PTPRJ: variants seen among roughly 807,000 people sequenced by gnomAD.
PTPRJ encodes the protein protein tyrosine phosphatase receptor type J, also known as receptor-type tyrosine-protein phosphatase eta.
Under a neutral mutation model 141.3 loss-of-function variants are expected in PTPRJ, and 129 were observed. The observed-to-expected ratio is 0.91, with a 90% confidence interval of 0.79 to 1.06. The LOEUF is 1.06. Ranked by LOEUF, PTPRJ falls within the 50% of genes least tolerant of loss-of-function variation. The pLI is 0.00. For synonymous variants in PTPRJ, 610 were observed against 640.5 expected (o/e 0.95, Z 0.72); for missense variants, 1,601 against 1,679.7 (o/e 0.95, Z 0.82).
At chr11:48,059,950 G>C (rs1854874287) in intron 1 of PTPRJ, among the ~76,000 whole-genome samples, 1 of 152,204 alleles carries the variant, frequency 6.6e-6, no homozygotes, top group South Asian at 2.1e-4. Flanking sequence ...TAACCTGTTT[G>C]ATTGAAGCTA....
At chr11:48,042,076 T>C (rs1418751674) in intron 1 of PTPRJ, among the ~76,000 whole-genome samples, 3 of 152,164 alleles carry the variant, frequency 2.0e-5, no homozygotes. Context: ...TGTACTTGTT[T>C]ATTGAATCAA....
rs1858009773 is a variant in PTPRJ at position 48,169,689 on chromosome 11, TA to T, written c.*2333del. 1 of 152,162 alleles carries T rather than the reference TA, an allele frequency of 6.6e-6. No homozygotes were observed. The highest frequency in any genetic ancestry group is 2.4e-5 in the African/African-American group (1 of 41,448). The allele number at this position is 152,162 out of a possible 1,614,324, so 9.4% of individuals were successfully genotyped here. ...GAAGTCAGAGGAAGGGACTTGTTGC[TA>T]AAAAATCCTTTAAAAGGTTAAATAC... On this transcript the variant is annotated 3_prime_UTR_variant, in exon 25 of 25. Coordinates refer to ENST00000418331, the MANE Select transcript of PTPRJ (RefSeq NM_002843.4).
chr11:48,103,459 A>AAAAAAAC (rs1844120935), intron 1 of PTPRJ, among the ~76,000 whole-genome samples: 1 of 152,158 alleles, frequency 6.6e-6, no homozygotes, highest in Non-Finnish European at 1.5e-5. Context: ...ATCCTGTCTC[A>AAAAAAAC]AAAAAACAAA....
intron 1 of PTPRJ, among the ~76,000 whole-genome samples, chr11:48,033,655 G>A (rs2134227671): frequency 6.6e-6 from 1 of 152,312 alleles, no homozygotes; most frequent in African/African-American, 2.4e-5. Flanking sequence ...GATGAGACAG[G>A]GAGCAGTGGA....
At chr11:48,000,219 C>T (rs763740595) in intron 1 of PTPRJ, among the ~76,000 whole-genome samples, 2 of 149,686 alleles carry the variant, frequency 1.3e-5, no homozygotes, top group Non-Finnish European at 2.9e-5. Flanking sequence ...CAGCTCATTG[C>T]AGCCTCAACT....
intron 1 of PTPRJ, among the ~76,000 whole-genome samples, chr11:48,061,548 C>T (rs914494837): frequency 3.3e-5 from 5 of 152,150 alleles, no homozygotes; most frequent in Admixed American, 6.5e-5. Flanking sequence ...GATCTCTGTT[C>T]GGTGGATGAG....
At chr11:48,085,502 A>T (rs1855678804) in intron 1 of PTPRJ, among the ~76,000 whole-genome samples, 1 of 151,794 alleles carries the variant, frequency 6.6e-6, no homozygotes, top group Admixed American at 6.6e-5. Flanking sequence ...CCGCCACCAC[A>T]CTTGGCTAAT....
chr11:47,982,069 C>CA (rs148651606), intron 1 of PTPRJ, among the ~76,000 whole-genome samples: 5,174 of 152,330 alleles, frequency 0.034, 294 homozygotes, highest in African/African-American at 0.12. Context: ...AGCGCGAATA[C>CA]AGGAGAGAGC....
chr11:48,003,842 T>A lies in PTPRJ; in HGVS notation c.96+22834T>A, dbSNP rs1237524. Among the ~76,000 whole-genome samples the A allele has an allele frequency of 4.4e-3, 670 of 152,346 alleles. 9 individuals carry two copies. The highest frequency in any genetic ancestry group is 0.016 in the African/African-American group (658 of 41,586). On this transcript the variant is annotated intron_variant, in intron 1 of 24. Transcript: ENST00000418331. ...ACATTTGCACACATGCCAATTGGGC[T>A]TCATGGTGGCTGCCTCACACCACTT...
chr11:48,126,549 C>G (rs531198903), intron 6 of PTPRJ, among the ~76,000 whole-genome samples: 225 of 152,072 alleles, frequency 1.5e-3, no homozygotes, highest in Middle Eastern at 0.01. Flanking sequence ...GGGTGAAACA[C>G]CCTCTTCCTC....
chr11:48,132,320 G>A, intron 8 of PTPRJ: 1 of 980,926 alleles, frequency 1.0e-6, no homozygotes, highest in African/African-American at 1.7e-5. Flanking sequence ...AGGATTGCTT[G>A]GCCCAACAGT....
Position 48,153,894 on chromosome 11 carries a change from A to AT in PTPRJ, c.3229+12dup, listed in dbSNP as rs1381521154. 14 of 1,581,394 alleles carry AT rather than the reference A, an allele frequency of 8.9e-6. No individual in the cohort carries two copies. In the Admixed American group the frequency reaches 1.8e-4, roughly 21 times the overall value. On this transcript the variant is annotated intron_variant, in intron 19 of 24. Transcript: ENST00000418331. The stretch of plus-strand genomic sequence containing the variant: ...ATAATAATGTTCTGCCCTGTAAGTT[A>AT]TTTTATCTACAGCATCTTCTCTGTG...
intron 1 of PTPRJ, among the ~76,000 whole-genome samples, chr11:48,010,191 T>A (rs538804873): frequency 6.8e-4 from 103 of 152,156 alleles, no homozygotes; most frequent in African/African-American, 2.2e-3. Context: ...TTATTTATTT[T>A]TTTTGAGACA....
intron 22 of PTPRJ, 67 bp from the exon 23 acceptor site, chr11:48,163,391 C>A: frequency 6.7e-7 from 1 of 1,493,500 alleles, no homozygotes; most frequent in Non-Finnish European, 9.3e-7. Context: ...TGCTTGATTT[C>A]CCCTGCCTTT....
chr11:48,048,028 CT>C (rs1854456695), intron 1 of PTPRJ, among the ~76,000 whole-genome samples: 1 of 152,134 alleles, frequency 6.6e-6, no homozygotes, highest in African/African-American at 2.4e-5. Context: ...TTTGAGGCCC[CT>C]GAACATGCAT....
intron 1 of PTPRJ, among the ~76,000 whole-genome samples, chr11:48,029,644 CT>C (rs1246923702): frequency 6.6e-6 from 1 of 152,118 alleles, no homozygotes; most frequent in Non-Finnish European, 1.5e-5. Flanking sequence ...GCTCATAGAG[CT>C]TTTTTCTTCT....
At position 48,167,451 on chromosome 11, in the gene PTPRJ, C is replaced by T; in HGVS notation, c.*89C>T. Reference sequence around the variant, plus strand: ...CCGATGTCGACATGTTTTTATATGTCTAATATCTTAATTCTTTGTTCTGTT... The same window carrying T: ...CCGATGTCGACATGTTTTTATATGTTTAATATCTTAATTCTTTGTTCTGTT... On this transcript the variant is annotated 3_prime_UTR_variant, in exon 25 of 25. Transcript: ENST00000418331. 1 of 1,377,656 alleles carries T rather than the reference C, an allele frequency of 7.3e-7. No homozygotes were observed. The highest frequency in any genetic ancestry group is 1.0e-6 in the Non-Finnish European group (1 of 1,002,028). 85.3% of individuals were successfully genotyped at this position (1,377,656 alleles called of 1,614,324 possible). A position where few individuals can be genotyped will look rare whatever the true frequency, so the allele number is the denominator to read the frequency against.
intron 1 of PTPRJ, among the ~76,000 whole-genome samples, chr11:48,065,077 C>T (rs1326807508): frequency 3.8e-5 from 5 of 130,846 alleles, no homozygotes; most frequent in Non-Finnish European, 6.2e-5. Context: ...TGCAATGGTG[C>T]GATCTCATCT....
rs1258568582 is a variant in PTPRJ, at chr11:48,155,893, T to TC, written c.3303+20dup. The stretch of plus-strand genomic sequence containing the variant: ...CATGCCTGTAAGTTGGGGGACGGTC[T>TC]CACAGCACTGGACTGTTTCGATGAA... On this transcript the variant is annotated intron_variant, in intron 20 of 24. Coordinates refer to ENST00000418331, the MANE Select transcript of PTPRJ (RefSeq NM_002843.4). 4 of 1,593,350 alleles carry TC rather than the reference T, an allele frequency of 2.5e-6. No homozygotes were observed. Among genetic ancestry groups the TC allele is most frequent in the Non-Finnish European group, 3.4e-6 (4 of 1,161,516 alleles).
Sources: allele counts gnomAD v4.1 joint callset (sites outside exome capture counted in the v4.1 genomes callset), GRCh38; gene constraint gnomAD v4.1.1; transcripts MANE v1.5; gene names NCBI Gene and HGNC (gene_info 2026-07-23, HGNC 2026-07-21).